KIAA1958: variants seen among roughly 807,000 people sequenced by gnomAD.
KIAA1958 encodes KIAA1958, also known as uncharacterized protein KIAA1958.
A neutral mutation model predicts 47.2 loss-of-function variants in KIAA1958; 14 were observed. The observed-to-expected ratio is 0.30, with a 90% CI of 0.20 to 0.46. KIAA1958 has a LOEUF of 0.46. Among genes scored for constraint, KIAA1958 ranks in the 20% least tolerant of loss-of-function variants. The pLI, the probability that KIAA1958 is intolerant of heterozygous loss-of-function variation, is 1.00. For synonymous variants in KIAA1958, 354 were observed against 353.3 expected, an observed-to-expected ratio of 1.00 and a Z score of -0.02; for missense variants, 803 against 909.2, an observed-to-expected ratio of 0.88 and a Z score of 1.50.
At chr9:112,513,597 G>A (rs1221586826) in intron 1 of KIAA1958, among the ~76,000 whole-genome samples, 1 of 132,230 alleles carries the variant, frequency 7.6e-6, no homozygotes, top group African/African-American at 2.8e-5. Flanking sequence ...CGGAGCCGCT[G>A]CCGCGACCGA....
chr9:112,612,360 A>T (rs543406108), intron 2 of KIAA1958, among the ~76,000 whole-genome samples: 51 of 152,312 alleles, frequency 3.3e-4, no homozygotes, highest in Non-Finnish European at 6.5e-4. Context: ...GTGAGCTGTG[A>T]TCACATCACT....
chr9:112,645,192 C>T (rs1836955850), intron 2 of KIAA1958, among the ~76,000 whole-genome samples: 1 of 151,140 alleles, frequency 6.6e-6, no homozygotes, highest in African/African-American at 2.4e-5. Context: ...TGATGGCACA[C>T]AAGACATTTG....
At chr9:112,558,565 A>G (rs1835280363) in intron 1 of KIAA1958, among the ~76,000 whole-genome samples, 1 of 152,226 alleles carries the variant, frequency 6.6e-6, no homozygotes, top group African/African-American at 2.4e-5. Flanking sequence ...TCCTGTTACC[A>G]GTGACCTGAA....
intron 1 of KIAA1958, among the ~76,000 whole-genome samples, chr9:112,517,035 G>A (rs1357148554): frequency 6.6e-6 from 1 of 152,248 alleles, no homozygotes; most frequent in Non-Finnish European, 1.5e-5. Context: ...TGGTATAAGA[G>A]TGTGTTACAG....
intron 1 of KIAA1958, among the ~76,000 whole-genome samples, chr9:112,547,303 A>C (rs9695922): frequency 1.3e-5 from 2 of 148,710 alleles, no homozygotes; most frequent in African/African-American, 2.5e-5. Flanking sequence ...ACTTGAATCC[A>C]AGAGATGGAG....
At chr9:112,647,257 A>G (rs1289095660) in intron 3 of KIAA1958, among the ~76,000 whole-genome samples, 1 of 152,200 alleles carries the variant, frequency 6.6e-6, no homozygotes, top group Non-Finnish European at 1.5e-5. Context: ...TGATAACATT[A>G]TTTTAAAAAG....
chr9:112,623,521 G>A (rs887853339), intron 2 of KIAA1958, among the ~76,000 whole-genome samples: 6 of 152,100 alleles, frequency 3.9e-5, no homozygotes, highest in Non-Finnish European at 8.8e-5. Context: ...GAAATCCCAG[G>A]TGTACTAAAA....
At chr9:112,584,231 C>G (rs917897514) in intron 2 of KIAA1958, among the ~76,000 whole-genome samples, 2 of 152,070 alleles carry the variant, frequency 1.3e-5, no homozygotes, top group African/African-American at 2.4e-5. Flanking sequence ...CTTTCTGTGG[C>G]TTAGTTTTCT....
At chr9:112,654,775 G>A (rs968165412) in intron 3 of KIAA1958, among the ~76,000 whole-genome samples, 13 of 151,726 alleles carry the variant, frequency 8.6e-5, no homozygotes, top group African/African-American at 3.1e-4. Flanking sequence ...GTTATCACTG[G>A]TATATAAGAA....
At chr9:112,543,360 C>A (rs1311848176) in intron 1 of KIAA1958, among the ~76,000 whole-genome samples, 1 of 152,056 alleles carries the variant, frequency 6.6e-6, no homozygotes, top group African/African-American at 2.4e-5. Flanking sequence ...TCAGAAGTAA[C>A]CATCAACTTC....
rs76066852 is a variant in KIAA1958, at chr9:112,591,614, C to T, written c.1171+16363C>T. ...TTATTCTTAAAAAGCAGCATGAGGC[C>T]AGATGTGGTGGCTCATGCCTGTAAT... On this transcript the variant is annotated intron_variant, in intron 2 of 3. Coordinates refer to ENST00000337530, the MANE Select transcript of KIAA1958 (RefSeq NM_133465.4). Among the ~76,000 whole-genome samples the T allele has an allele frequency of 6.2e-3, 939 of 151,490 alleles. 18 individuals carry two copies. The highest frequency in any genetic ancestry group is 0.021 in the African/African-American group (883 of 41,258).
intron 3 of KIAA1958, 115 bp from the exon 4 acceptor site, chr9:112,659,148 C>G: frequency 1.5e-5 from 12 of 808,144 alleles, no homozygotes; most frequent in Non-Finnish European, 2.4e-5. Flanking sequence ...TCCATTGTGT[C>G]CTGCTAAGGG....
chr9:112,580,963 C>T (rs1247450126), intron 2 of KIAA1958, among the ~76,000 whole-genome samples: 3 of 152,104 alleles, frequency 2.0e-5, no homozygotes, highest in Non-Finnish European at 4.4e-5. Flanking sequence ...TATCACAAAC[C>T]GGGTACACAT....
intron 1 of KIAA1958, among the ~76,000 whole-genome samples, chr9:112,494,871 T>C (rs1461495234): frequency 6.6e-6 from 1 of 152,250 alleles, no homozygotes; most frequent in Non-Finnish European, 1.5e-5. Context: ...TTGTACATCC[T>C]CTTGTTATCT....
intron 2 of KIAA1958, among the ~76,000 whole-genome samples, chr9:112,627,105 A>G (rs900249183): frequency 6.6e-6 from 1 of 152,180 alleles, no homozygotes; most frequent in Non-Finnish European, 1.5e-5. Context: ...TACAGAAGGA[A>G]ATATTGTAGT....
At chr9:112,507,372 A>G (rs547283951) in intron 1 of KIAA1958, among the ~76,000 whole-genome samples, 2 of 152,296 alleles carry the variant, frequency 1.3e-5, no homozygotes, top group Admixed American at 6.5e-5. Flanking sequence ...TTTTTAAGAG[A>G]CAAGTTTTCA....
intron 3 of KIAA1958, among the ~76,000 whole-genome samples, chr9:112,657,722 C>G (rs939298646): frequency 7.2e-5 from 11 of 152,164 alleles, no homozygotes; most frequent in Non-Finnish European, 1.5e-4. Context: ...AGACCATGAG[C>G]AAGGGCTGGT....
intron 1 of KIAA1958, among the ~76,000 whole-genome samples, chr9:112,503,077 AG>A (rs1834171726): frequency 6.6e-6 from 1 of 152,258 alleles, no homozygotes; most frequent in South Asian, 2.1e-4. Context: ...GAGGTAGAGA[AG>A]AAACAAAATA....
chr9:112,565,717 ATATATCAGCTAAT>A (rs1173600753), intron 1 of KIAA1958, among the ~76,000 whole-genome samples: 1 of 152,208 alleles, frequency 6.6e-6, no homozygotes, highest in Non-Finnish European at 1.5e-5. Context: ...AATTGCCTTA[ATATATCAGCTAAT>A]TATTCTCTCA....
Sources: allele counts gnomAD v4.1 joint callset (sites outside exome capture counted in the v4.1 genomes callset), GRCh38; gene constraint gnomAD v4.1.1; transcripts MANE v1.5; gene names NCBI Gene and HGNC (gene_info 2026-07-23, HGNC 2026-07-21).